ARHGAP17: variants seen among roughly 807,000 people sequenced by gnomAD.
The protein encoded by ARHGAP17 is rho GTPase-activating protein 17.
Under a neutral mutation model 99.5 loss-of-function variants are expected in ARHGAP17, and 57 were observed. The ratio of observed to expected loss-of-function variants is 0.57; its 90% CI spans 0.46 to 0.71. The LOEUF is 0.71. Ranked by LOEUF, ARHGAP17 falls within the 30% of genes least tolerant of loss-of-function variation. The pLI is 0.00. For synonymous variants in ARHGAP17, 417 were observed against 429.6 expected, an observed-to-expected ratio of 0.97 and a Z score of 0.36; for missense variants, 1,000 against 1,122.4, an observed-to-expected ratio of 0.89 and a Z score of 1.56.
At position 24,931,146 on chromosome 16, in the gene ARHGAP17, G is replaced by T; in HGVS notation, c.2153C>A (p.Pro718His). 6.2e-7 allele frequency: 1 copy of T among 1,603,054 alleles called. No individual in the cohort carries two copies. Among genetic ancestry groups the T allele is most frequent in the Non-Finnish European group, 8.5e-7 (1 of 1,175,026 alleles). Residue 718 changes from proline to histidine, a missense_variant, in exon 19 of 20, where the codon CCC becomes CAC. Coordinates refer to ENST00000289968, the MANE Select transcript of ARHGAP17 (RefSeq NM_001006634.3). The part of the protein sequence containing the change: ...IQAPNHPPPQ[P>H]PTQATPLMHT... ...CATCAGTGGCGTGGCCTGCGTAGGGGGCTGCGGCGGTGGGTGATTGGGAGC... is the reference window on the plus strand; with the variant it reads ...CATCAGTGGCGTGGCCTGCGTAGGGTGCTGCGGCGGTGGGTGATTGGGAGC...
intron 18 of ARHGAP17, among the ~76,000 whole-genome samples, chr16:24,934,037 G>A (rs2051067260): frequency 6.6e-6 from 1 of 152,182 alleles, no homozygotes; most frequent in Admixed American, 6.5e-5. Context: ...TAAAGTGGGG[G>A]TCTGCAACCA....
At chr16:24,950,165 A>G (rs1025338103) in intron 12 of ARHGAP17, among the ~76,000 whole-genome samples, 1 of 152,226 alleles carries the variant, frequency 6.6e-6, no homozygotes, top group African/African-American at 2.4e-5. Context: ...GAACATGGAT[A>G]GGGATTAAAC....
intron 7 of ARHGAP17, among the ~76,000 whole-genome samples, chr16:24,961,222 A>G (rs1349083895): frequency 6.6e-6 from 1 of 152,190 alleles, no homozygotes; most frequent in Non-Finnish European, 1.5e-5. Flanking sequence ...AAAACAAGAA[A>G]TTAGTACAGT....
At chr16:25,002,766 C>T (rs534344261) in intron 1 of ARHGAP17, among the ~76,000 whole-genome samples, 5 of 152,074 alleles carry the variant, frequency 3.3e-5, no homozygotes, top group Non-Finnish European at 2.9e-5. Context: ...TGGCTGGGCG[C>T]GATGGCTCAC....
chr16:24,969,533 T>C (rs1394293126), intron 4 of ARHGAP17, among the ~76,000 whole-genome samples: 1 of 152,172 alleles, frequency 6.6e-6, no homozygotes, highest in Non-Finnish European at 1.5e-5. Context: ...TCCTCGTCTG[T>C]AAAATGGGAG....
At chr16:24,938,257 C>T (rs575297606) in intron 17 of ARHGAP17, among the ~76,000 whole-genome samples, 10 of 151,716 alleles carry the variant, frequency 6.6e-5, no homozygotes, top group African/African-American at 1.7e-4. Context: ...CCAGCTACTC[C>T]GGAGGCTGAG....
intron 18 of ARHGAP17, among the ~76,000 whole-genome samples, chr16:24,935,121 G>A (rs1319430060): frequency 1.3e-5 from 2 of 152,102 alleles, no homozygotes; most frequent in African/African-American, 4.8e-5. Flanking sequence ...CCCCAATTCC[G>A]AAGCAAAAGT....
chr16:24,941,581 C>T (rs2051313531), intron 16 of ARHGAP17: 1 of 169,418 alleles, frequency 5.9e-6, no homozygotes, highest in African/African-American at 2.4e-5. Flanking sequence ...TCCTTAAACG[C>T]CAAATCACTC....
intron 1 of ARHGAP17, among the ~76,000 whole-genome samples, chr16:24,986,916 A>T (rs2052887974): frequency 6.6e-6 from 1 of 152,254 alleles, no homozygotes; most frequent in Non-Finnish European, 1.5e-5. Context: ...GGCACAGCCC[A>T]GTGCTGGTGA....
At position 24,959,807 on chromosome 16, in the gene ARHGAP17, A is replaced by G. The variant is rs370059311; in HGVS notation, c.643-55T>C. The stretch of plus-strand genomic sequence containing the variant: ...AGTAACGTTAGCATCGGATGGACAC[A>G]CACACAATGGCTGAGCAAAACTAAA... On this transcript the variant is annotated intron_variant, in intron 8 of 19. Transcript: ENST00000289968. The G allele has an allele frequency of 9.3e-6, 15 of 1,607,092 alleles. No homozygotes were observed. In the African/African-American group the frequency reaches 2.0e-4, roughly 21 times the overall value.
intron 9 of ARHGAP17, among the ~76,000 whole-genome samples, chr16:24,958,829 T>C (rs2051891436): frequency 6.6e-6 from 1 of 152,182 alleles, no homozygotes; most frequent in African/African-American, 2.4e-5. Context: ...CCTGATCCCC[T>C]TTCAGCTCAA....
At chr16:24,969,470 G>A (rs2052294392) in intron 4 of ARHGAP17, among the ~76,000 whole-genome samples, 1 of 152,180 alleles carries the variant, frequency 6.6e-6, no homozygotes, top group Non-Finnish European at 1.5e-5. Flanking sequence ...TACAGGCTTT[G>A]CTCTTCTCCC....
intron 1 of ARHGAP17, among the ~76,000 whole-genome samples, chr16:25,007,795 C>T (rs2053546126): frequency 6.6e-6 from 1 of 152,160 alleles, no homozygotes; most frequent in Non-Finnish European, 1.5e-5. Context: ...TAGTTGCCAA[C>T]ATTTAAATAT....
At chr16:24,989,717 T>C (rs1046624372) in intron 1 of ARHGAP17, among the ~76,000 whole-genome samples, 2 of 149,642 alleles carry the variant, frequency 1.3e-5, no homozygotes, top group Non-Finnish European at 3.0e-5. Flanking sequence ...AATCATTGAG[T>C]TCTACACTTA....
At chr16:24,977,379 G>A in intron 2 of ARHGAP17, 60 bp from the exon 3 acceptor site, 1 of 1,394,910 alleles carries the variant, frequency 7.2e-7, no homozygotes, top group Non-Finnish European at 9.9e-7. Context: ...GTGTCTGCAT[G>A]CTGGTAGGAA....
intron 6 of ARHGAP17, among the ~76,000 whole-genome samples, chr16:24,965,945 T>A (rs1319936706): frequency 6.6e-6 from 1 of 152,230 alleles, no homozygotes; most frequent in Non-Finnish European, 1.5e-5. Flanking sequence ...TTCAATTGTT[T>A]CAGCTTCTCC....
chr16:24,932,528 C>T (rs933760793), intron 18 of ARHGAP17, among the ~76,000 whole-genome samples: 1 of 151,960 alleles, frequency 6.6e-6, no homozygotes, highest in Non-Finnish European at 1.5e-5. Flanking sequence ...ATAACATGAC[C>T]CCTGATCCCA....
At chr16:24,972,940 T>C (rs1258985654) in intron 3 of ARHGAP17, among the ~76,000 whole-genome samples, 2 of 149,722 alleles carry the variant, frequency 1.3e-5, no homozygotes, top group Admixed American at 1.3e-4. Flanking sequence ...AGGGATAATT[T>C]TTTTTTTTTT....
intron 14 of ARHGAP17, among the ~76,000 whole-genome samples, chr16:24,946,341 C>T (rs979927773): frequency 6.6e-6 from 1 of 151,784 alleles, no homozygotes; most frequent in Non-Finnish European, 1.5e-5. Flanking sequence ...GTGACATGCC[C>T]ATAAACGATG....
Sources: gnomAD v4.1 joint callset for allele counts (sites outside exome capture counted in the v4.1 genomes callset) on GRCh38, gnomAD v4.1.1 for gene constraint, MANE v1.5 for transcripts, NCBI Gene and HGNC (gene_info 2026-07-23, HGNC 2026-07-21) for gene names.